AHI1: variants seen among roughly 807,000 people sequenced by gnomAD.
The protein encoded by AHI1 is Abelson helper integration site 1.
In AHI1, 123 loss-of-function variants were observed where a neutral mutation model predicts 149.3. The observed-to-expected ratio is 0.82, with a 90% CI of 0.71 to 0.96. The LOEUF is 0.96. Ranked by LOEUF, AHI1 falls within the 40% of genes least tolerant of loss-of-function variation. The probability of loss-of-function intolerance (pLI) is 0.00; values close to 1 mark genes in which losing one functional copy is unlikely to be tolerated. For missense variants in AHI1, 1,439 were observed against 1,422.7 expected (o/e 1.01, Z -0.18); for synonymous variants, 475 against 459.8 (o/e 1.03, Z -0.42).
chr6:135,364,051 C>A (rs868834523), intron 23 of AHI1, among the ~76,000 whole-genome samples: 2 of 147,830 alleles, frequency 1.4e-5, no homozygotes, highest in Non-Finnish European at 3.0e-5. Flanking sequence ...CCGGACAGGG[C>A]GGCTGGCCGG....
intron 9 of AHI1, 85 bp from the exon 10 acceptor site, chr6:135,456,011 C>G (rs1267948047): frequency 2.3e-6 from 2 of 880,552 alleles, no homozygotes; most frequent in East Asian, 6.1e-5. Context: ...GGTGAGGCAA[C>G]CAGAAATAAT....
At position 135,285,550 on chromosome 6, in the gene AHI1, G is replaced by A; in HGVS notation, c.*95C>T. ...GTAGTGGATCCTTTCTTCCTCCTTAGTATCTGAAAATTCTGAACTCTGAAG... is the reference window on the plus strand; with the variant it reads ...GTAGTGGATCCTTTCTTCCTCCTTAATATCTGAAAATTCTGAACTCTGAAG... On this transcript the variant is annotated 3_prime_UTR_variant, in exon 29 of 29. Transcript: ENST00000265602. 1 of 1,265,828 alleles carries A rather than the reference G, an allele frequency of 7.9e-7. No homozygotes were observed. The highest frequency in any genetic ancestry group is 1.1e-6 in the Non-Finnish European group (1 of 881,644). 78.4% of individuals were successfully genotyped at this position (1,265,828 alleles called of 1,614,324 possible).
At chr6:135,301,514 C>G (rs1196281785) in intron 26 of AHI1, 6 of 985,298 alleles carry the variant, frequency 6.1e-6, no homozygotes, top group Non-Finnish European at 7.2e-6. Flanking sequence ...TCTGCAAGAT[C>G]ATTCTTCAGC....
At chr6:135,490,593 A>G in intron 5 of AHI1, 30 bp downstream of exon 5, 2 of 1,612,766 alleles carry the variant, frequency 1.2e-6, no homozygotes, top group South Asian at 1.1e-5. Context: ...GCATATGTAA[A>G]TCACTATTAC....
chr6:135,309,005 T>C (rs1218201905), intron 26 of AHI1, among the ~76,000 whole-genome samples: 1 of 152,148 alleles, frequency 6.6e-6, no homozygotes, highest in Non-Finnish European at 1.5e-5. Context: ...AACAGGGCTG[T>C]TGTGGGAGAA....
intron 23 of AHI1, among the ~76,000 whole-genome samples, chr6:135,363,162 G>C (rs1397168676): frequency 6.6e-6 from 1 of 151,436 alleles, no homozygotes; most frequent in Non-Finnish European, 1.5e-5. Context: ...AGTGAACAAA[G>C]GTCTCTGGTT....
At chr6:135,440,974 T>C (rs879379724) in intron 14 of AHI1, among the ~76,000 whole-genome samples, 6 of 151,736 alleles carry the variant, frequency 4.0e-5, no homozygotes, top group Non-Finnish European at 5.9e-5. Flanking sequence ...AAAAAAGTCA[T>C]CCACATAGAA....
chr6:135,494,304 G>A (rs1318745809), intron 3 of AHI1, among the ~76,000 whole-genome samples: 1 of 152,204 alleles, frequency 6.6e-6, no homozygotes, highest in Non-Finnish European at 1.5e-5. Flanking sequence ...GTAGACAGAA[G>A]AAGCAACAAT....
chr6:135,370,067 C>T (rs908589509), intron 23 of AHI1, among the ~76,000 whole-genome samples: 30 of 152,156 alleles, frequency 2.0e-4, no homozygotes, highest in African/African-American at 7.2e-4. Context: ...TCTATTTCTG[C>T]TAATTCACAT....
intron 23 of AHI1, among the ~76,000 whole-genome samples, chr6:135,393,176 C>T (rs6938816): frequency 0.028 from 4,287 of 151,980 alleles, 221 homozygotes; most frequent in African/African-American, 0.098. Context: ...TTGCCTTTAT[C>T]ATATCCCTCT....
At chr6:135,351,007 A>G (rs558751756) in intron 24 of AHI1, among the ~76,000 whole-genome samples, 3 of 152,306 alleles carry the variant, frequency 2.0e-5, no homozygotes, top group Non-Finnish European at 2.9e-5. Flanking sequence ...AGGTGATCAT[A>G]TATTTAGGGT....
At chr6:135,415,765 T>A (rs146084123) in intron 20 of AHI1, among the ~76,000 whole-genome samples, 7 of 152,292 alleles carry the variant, frequency 4.6e-5, no homozygotes, top group Non-Finnish European at 7.4e-5. Context: ...CCAATGTCCA[T>A]TGACAGGTGA....
chr6:135,461,435 T>C (rs1789867683), intron 8 of AHI1, among the ~76,000 whole-genome samples: 1 of 152,052 alleles, frequency 6.6e-6, no homozygotes, highest in African/African-American at 2.4e-5. Context: ...AAAACAGTAT[T>C]ACATGTTGGT....
intron 23 of AHI1, among the ~76,000 whole-genome samples, chr6:135,392,667 C>T (rs1436370453): frequency 6.6e-6 from 1 of 152,170 alleles, no homozygotes; most frequent in Non-Finnish European, 1.5e-5. Context: ...ATTATTCGTA[C>T]AATCAACACT....
intron 20 of AHI1, among the ~76,000 whole-genome samples, chr6:135,422,499 T>C (rs1406987062): frequency 6.6e-6 from 1 of 151,674 alleles, no homozygotes; most frequent in East Asian, 1.9e-4. Context: ...GAGCAGAGAC[T>C]GTGTCTCAAG....
chr6:135,480,244 C>A (rs1793406246), intron 5 of AHI1, among the ~76,000 whole-genome samples: 1 of 152,048 alleles, frequency 6.6e-6, no homozygotes, highest in Non-Finnish European at 1.5e-5. Context: ...ATCACATGGA[C>A]CCAGAAGTTC....
chr6:135,337,989 T>C (rs1789661948), intron 24 of AHI1, among the ~76,000 whole-genome samples: 1 of 151,822 alleles, frequency 6.6e-6, no homozygotes, highest in African/African-American at 2.4e-5. Flanking sequence ...GAAAGGATAA[T>C]GAAGAAGCAT....
At chr6:135,409,710 ATTATATCTATGAT>A (rs1781315210) in intron 21 of AHI1, among the ~76,000 whole-genome samples, 1 of 151,990 alleles carries the variant, frequency 6.6e-6, no homozygotes, top group South Asian at 2.1e-4. Context: ...TCTCCCCCCC[ATTATATCTATGAT>A]TTTTCTTTAA....
chr6:135,289,933 C>T (rs1307578654), intron 28 of AHI1, among the ~76,000 whole-genome samples: 1 of 151,938 alleles, frequency 6.6e-6, no homozygotes, highest in Non-Finnish European at 1.5e-5. Context: ...CACATTTTCC[C>T]ACTGGCGTAT....
Sources: allele counts gnomAD v4.1 joint callset (sites outside exome capture counted in the v4.1 genomes callset), GRCh38; gene constraint gnomAD v4.1.1; transcripts MANE v1.5; gene names NCBI Gene and HGNC (gene_info 2026-07-23, HGNC 2026-07-21).